Variants in CCDC33 observed in about 807,000 individuals in gnomAD.
CCDC33 encodes the protein coiled-coil domain-containing protein 33.
In CCDC33, 94 loss-of-function variants were observed where a neutral mutation model predicts 91.9. The ratio of observed to expected loss-of-function variants is 1.02; its 90% CI spans 0.87 to 1.21. The LOEUF (loss-of-function observed/expected upper bound fraction) is 1.21, where lower values mean the gene tolerates loss of function less well. CCDC33 is among the 50% of genes most tolerant of loss of function. The pLI, the probability that CCDC33 is intolerant of heterozygous loss-of-function variation, is 0.00. For synonymous variants in CCDC33, 396 were observed against 374.5 expected (o/e 1.06, Z -0.66); for missense variants, 940 against 935.5 (o/e 1.00, Z -0.06).
At chr15:74,250,460 A>G (rs2075673178) in intron 2 of CCDC33, among the ~76,000 whole-genome samples, 1 of 152,128 alleles carries the variant, frequency 6.6e-6, no homozygotes, top group African/African-American at 2.4e-5. Flanking sequence ...ATTCTCAGAA[A>G]CATTCTGAGA....
intron 2 of CCDC33, among the ~76,000 whole-genome samples, chr15:74,248,628 G>T (rs2075610885): frequency 6.6e-6 from 1 of 152,204 alleles, no homozygotes; most frequent in African/African-American, 2.4e-5. Context: ...TCCCCTTAGT[G>T]GGGAGCTGAA....
intron 10 of CCDC33, among the ~76,000 whole-genome samples, chr15:74,283,794 TCACA>T (rs3223095): frequency 8.2e-5 from 12 of 146,212 alleles, no homozygotes; most frequent in South Asian, 4.4e-4. Context: ...AGCCAAGAAT[TCACA>T]CACACACACA....
At chr15:74,207,385 A>G (rs972563169) in intron 1 of CCDC33, among the ~76,000 whole-genome samples, 3 of 152,160 alleles carry the variant, frequency 2.0e-5, no homozygotes, top group South Asian at 4.1e-4. Flanking sequence ...ATTGCCCCCA[A>G]GAAGCCCCAG....
intron 1 of CCDC33, chr15:74,203,181 G>A (rs1444970220): frequency 2.0e-6 from 2 of 985,058 alleles, no homozygotes; most frequent in Non-Finnish European, 2.4e-6. Context: ...TTTCCATGAA[G>A]GAGGCAACAT....
At chr15:74,296,148 T>C (rs1035846809) in intron 11 of CCDC33, among the ~76,000 whole-genome samples, 200 bp downstream of exon 11, 1 of 152,254 alleles carries the variant, frequency 6.6e-6, no homozygotes, top group Non-Finnish European at 1.5e-5. Context: ...TCTCTTCACC[T>C]TTTGAGTGGA....
intron 11 of CCDC33, 43 bp from the exon 12 acceptor site, chr15:74,330,144 TTG>T: frequency 6.6e-7 from 1 of 1,510,050 alleles, no homozygotes; most frequent in Non-Finnish European, 8.9e-7. Context: ...GGGACCAGGG[TTG>T]CTATGGGGCA....
intron 4 of CCDC33, among the ~76,000 whole-genome samples, chr15:74,267,487 C>A (rs1414189738): frequency 6.6e-6 from 1 of 151,394 alleles, no homozygotes; most frequent in Non-Finnish European, 1.5e-5. Flanking sequence ...CCTGCCTGTC[C>A]TCCCTCCTAG....
chr15:74,209,359 C>T (rs1453422011), intron 1 of CCDC33: 1 of 1,535,068 alleles, frequency 6.5e-7, no homozygotes, highest in Non-Finnish European at 8.7e-7. Context: ...CCCTACTTAC[C>T]TCCATTTGTC....
downstream of CCDC33, chr15:74,336,188 C>T (rs767717802): frequency 1.4e-5 from 20 of 1,454,178 alleles, 1 homozygote; most frequent in Admixed American, 2.4e-5. Flanking sequence ...GCCCTGCTTC[C>T]TCCTCCTAGA....
At chr15:74,296,856 G>T (rs1296372608) in intron 11 of CCDC33, among the ~76,000 whole-genome samples, 2 of 152,138 alleles carry the variant, frequency 1.3e-5, no homozygotes, top group Non-Finnish European at 2.9e-5. Flanking sequence ...GTCCAGGGAG[G>T]TGCTACCCAG....
intron 1 of CCDC33, among the ~76,000 whole-genome samples, chr15:74,242,426 T>G (rs888824069): frequency 6.6e-6 from 1 of 152,264 alleles, no homozygotes; most frequent in Admixed American, 6.5e-5. Context: ...TTCCTCTCTA[T>G]GTAATAGGAC....
chr15:74,251,222 A>G (rs1038581120), intron 2 of CCDC33, among the ~76,000 whole-genome samples: 1 of 152,212 alleles, frequency 6.6e-6, no homozygotes, highest in Non-Finnish European at 1.5e-5. Flanking sequence ...GCCACCCGAG[A>G]CAGATTCTGT....
upstream of CCDC33, among the ~76,000 whole-genome samples, chr15:74,215,917 A>T (rs2074435531): frequency 6.6e-6 from 1 of 151,432 alleles, no homozygotes; most frequent in South Asian, 2.1e-4. Context: ...AAAGAAAAAA[A>T]GTTGGAGGGA....
intron 11 of CCDC33, among the ~76,000 whole-genome samples, chr15:74,312,652 G>A (rs1445996844): frequency 6.6e-6 from 1 of 152,156 alleles, no homozygotes; most frequent in Non-Finnish European, 1.5e-5. Flanking sequence ...TCCTTATCAG[G>A]AGTGTGTGCG....
At chr15:74,221,224 T>TG in intron 2 of CCDC33, 1 of 967,170 alleles carries the variant, frequency 1.0e-6, no homozygotes, top group Non-Finnish European at 1.2e-6. Flanking sequence ...TGGTTTTTTT[T>TG]TTTTTTTTTT....
rs1197787730 is a variant in CCDC33 at position 74,272,883 on chromosome 15, T to G, written c.751T>G (p.Cys251Gly). 5 of 1,614,198 alleles carry G rather than the reference T, an allele frequency of 3.1e-6. No homozygotes were observed. Among genetic ancestry groups the G allele is most frequent in the Non-Finnish European group, 4.2e-6 (5 of 1,180,022 alleles). Residue 251 changes from cysteine (C) to glycine (G), a missense_variant, in exon 7 of 19, where the codon TGC becomes GGC. Cys to Gly is a radical substitution (Grantham distance 159). Transcript: ENST00000398814. ...CGTGCCTCGCGTCAGCCAGAACGGATGCCCTCAGGTATGTCTCCTCCCCAG... is the reference window on the plus strand; with the variant it reads ...CGTGCCTCGCGTCAGCCAGAACGGAGGCCCTCAGGTATGTCTCCTCCCCAG... ...FDVPRVSQNGCPQLSKPGGPP... is the reference protein window; with the variant it reads ...FDVPRVSQNGGPQLSKPGGPP...
chr15:74,208,131 G>A, intron 1 of CCDC33: 1 of 993,778 alleles, frequency 1.0e-6, no homozygotes, highest in Non-Finnish European at 1.3e-6. Context: ...CTGTGCCAGG[G>A]GAGCAGCATG....
intron 1 of CCDC33, among the ~76,000 whole-genome samples, chr15:74,237,433 A>C (rs375050478): frequency 1.3e-5 from 2 of 152,370 alleles, no homozygotes; most frequent in Non-Finnish European, 2.9e-5. Context: ...ACCCACAGGG[A>C]TAGCAGAAGG....
At chr15:74,315,814 G>C (rs1171942246) in intron 11 of CCDC33, among the ~76,000 whole-genome samples, 1 of 152,166 alleles carries the variant, frequency 6.6e-6, no homozygotes, top group Non-Finnish European at 1.5e-5. Context: ...CGTGGGAGTG[G>C]CTGGTCCAAG....
Sources: gnomAD v4.1 joint callset for allele counts (sites outside exome capture counted in the v4.1 genomes callset) on GRCh38, gnomAD v4.1.1 for gene constraint, MANE v1.5 for transcripts, NCBI Gene and HGNC (gene_info 2026-07-23, HGNC 2026-07-21) for gene names.